The following ROBO1 variants were observed in gnomAD, a reference collection of about 807,000 sequenced individuals.
The protein encoded by ROBO1 is roundabout homolog 1.
ROBO1 carries 149 observed loss-of-function variants against 195.9 expected under a neutral mutation model. That is an observed-to-expected ratio of 0.76 (90% CI 0.67 to 0.87). The LOEUF (loss-of-function observed/expected upper bound fraction) is 0.87. Ranked by LOEUF, ROBO1 falls within the 40% of genes least tolerant of loss-of-function variation. ROBO1 has a pLI of 0.00. For missense variants in ROBO1, 1,933 were observed against 2,068.3 expected, an observed-to-expected ratio of 0.93 and a Z score of 1.27; for synonymous variants, 816 against 733.2, an observed-to-expected ratio of 1.11 and a Z score of -1.82.
At position 78,659,907 on chromosome 3, in the gene ROBO1, A is replaced by G. The variant is rs190731584; in HGVS notation, c.2321-100T>C. On this transcript the variant is annotated intron_variant, in intron 16 of 30. Coordinates refer to ENST00000464233, the MANE Select transcript of ROBO1 (RefSeq NM_002941.4). ...CCAATAATAGATGTATTAATACTAT[A>G]TCAATATATGCTTTTTTTTTTTTTT... 346 of 783,364 alleles carry G rather than the reference A, an allele frequency of 4.4e-4. 2 individuals are homozygous for G. The African/African-American group carries it at 6.2e-3, about 14-fold the overall frequency. The allele number at this position is 783,364 out of a possible 1,614,324, so 48.5% of individuals were successfully genotyped here. A position where few individuals can be genotyped will look rare whatever the true frequency, so the allele number is the denominator to read the frequency against.
At chr3:78,690,652 G>C (rs2081151825) in intron 8 of ROBO1, among the ~76,000 whole-genome samples, 1 of 151,990 alleles carries the variant, frequency 6.6e-6, no homozygotes, top group African/African-American at 2.4e-5. Flanking sequence ...GAAATTGAAA[G>C]AATTGACTGG....
chr3:79,237,723 T>C lies in ROBO1; in HGVS notation c.89-112184A>G, dbSNP rs115084650. 1.1e-3 allele frequency among the ~76,000 whole-genome samples: 161 copies of C among 152,196 alleles called. 1 individual carries two copies. Among genetic ancestry groups the C allele is most frequent in the Non-Finnish European group, 1.9e-3 (130 of 68,022 alleles). On this transcript the variant is annotated intron_variant, in intron 2 of 30. Coordinates refer to ENST00000464233, the MANE Select transcript of ROBO1 (RefSeq NM_002941.4). Reference sequence around the variant, plus strand: ...TGCCAAAAGATGTAGAAAAAGTCTATTGTTTTTGAGCAGTCTGTTGCTGCT... The same window carrying C: ...TGCCAAAAGATGTAGAAAAAGTCTACTGTTTTTGAGCAGTCTGTTGCTGCT...
intron 2 of ROBO1, among the ~76,000 whole-genome samples, chr3:79,484,755 C>CTTTTTTTTGTTTTTTTTTTTTTTT (rs1939063205): frequency 1.5e-5 from 1 of 66,884 alleles, no homozygotes; most frequent in Non-Finnish European, 2.7e-5. Flanking sequence ...ATTGCACTAT[C>CTTTTTTTTGTTTTTTTTTTTTTTT]TTTTTTTTTT....
chr3:79,363,986 C>T (rs2035867023), intron 2 of ROBO1, among the ~76,000 whole-genome samples: 1 of 152,000 alleles, frequency 6.6e-6, no homozygotes, highest in Non-Finnish European at 1.5e-5. Flanking sequence ...GGGTGGATCA[C>T]AAGGTCAGGA....
chr3:79,320,389 C>T (rs2109126729), intron 2 of ROBO1, among the ~76,000 whole-genome samples: 1 of 152,260 alleles, frequency 6.6e-6, no homozygotes, highest in South Asian at 2.1e-4. Context: ...AGTGCAGTGG[C>T]ACAATCACAG....
chr3:78,845,293 G>A (rs559324052), intron 4 of ROBO1, among the ~76,000 whole-genome samples: 2 of 151,550 alleles, frequency 1.3e-5, no homozygotes, highest in African/African-American at 4.9e-5. Flanking sequence ...TATGAAAAAA[G>A]TGTAGATCTC....
chr3:79,673,080 C>T (rs983386750), intron 1 of ROBO1, among the ~76,000 whole-genome samples: 14 of 151,902 alleles, frequency 9.2e-5, no homozygotes, highest in African/African-American at 2.4e-4. Context: ...CTTCTCTATT[C>T]CCTTTTCCAA....
intron 3 of ROBO1, among the ~76,000 whole-genome samples, chr3:78,950,304 G>A (rs146816782): frequency 0.017 from 2,636 of 151,894 alleles, 89 homozygotes; most frequent in African/African-American, 0.06. Flanking sequence ...AATGCGGCAC[G>A]TATACACCAT....
chr3:79,525,467 T>C (rs988633776), intron 2 of ROBO1, among the ~76,000 whole-genome samples: 5 of 148,982 alleles, frequency 3.4e-5, no homozygotes, highest in African/African-American at 1.2e-4. Context: ...ATTTTCTATG[T>C]GGATAATTTT....
chr3:78,983,745 T>C (rs1397326144), intron 3 of ROBO1, among the ~76,000 whole-genome samples: 2 of 152,180 alleles, frequency 1.3e-5, no homozygotes, highest in Admixed American at 6.6e-5. Flanking sequence ...ATGTGACCAC[T>C]GTCACCTATA....
chr3:79,543,832 C>A (rs9848085), intron 2 of ROBO1, among the ~76,000 whole-genome samples: 73,649 of 151,856 alleles, frequency 0.48, 17,927 homozygotes, highest in Non-Finnish European at 0.51. Context: ...AAATACTCTG[C>A]AATGCAAGGT....
At chr3:78,898,150 T>TAC (rs944372513) in intron 4 of ROBO1, among the ~76,000 whole-genome samples, 6 of 149,692 alleles carry the variant, frequency 4.0e-5, no homozygotes, top group African/African-American at 1.5e-4. Flanking sequence ...CATATATATA[T>TAC]ATATATGTTG....
chr3:79,029,833 T>A (rs766103675), intron 3 of ROBO1, among the ~76,000 whole-genome samples: 1 of 152,192 alleles, frequency 6.6e-6, no homozygotes, highest in Non-Finnish European at 1.5e-5. Context: ...TAGAACAACA[T>A]TGACTATTTC....
chr3:79,554,577 A>C (rs1942633601), intron 2 of ROBO1, among the ~76,000 whole-genome samples: 1 of 152,082 alleles, frequency 6.6e-6, no homozygotes, highest in Admixed American at 6.6e-5. Context: ...CTTGGCAATC[A>C]TATGTATCCA....
At chr3:79,228,816 C>G (rs940790976) in intron 2 of ROBO1, among the ~76,000 whole-genome samples, 1 of 152,020 alleles carries the variant, frequency 6.6e-6, no homozygotes, top group Admixed American at 6.6e-5. Flanking sequence ...AATTTGCAAT[C>G]AACTGATCAT....
rs73848891 is a variant in ROBO1, at chr3:79,488,311, A to G, written c.88+101513T>C. On this transcript the variant is annotated intron_variant, in intron 2 of 30. Coordinates refer to ENST00000464233, the MANE Select transcript of ROBO1 (RefSeq NM_002941.4). Reference sequence around the variant, plus strand: ...CGTTTGCCCAACAAATGGAGGGGGAATTTTTTTTCTTCAAAATATCATCAG... The same window carrying G: ...CGTTTGCCCAACAAATGGAGGGGGAGTTTTTTTTCTTCAAAATATCATCAG... 5.5e-3 allele frequency among the ~76,000 whole-genome samples: 835 copies of G among 152,050 alleles called. 8 individuals are homozygous for G. Among genetic ancestry groups the G allele is most frequent in the African/African-American group, 0.019 (798 of 41,468 alleles).
intron 4 of ROBO1, among the ~76,000 whole-genome samples, chr3:78,829,878 T>C (rs561498865): frequency 1.5e-4 from 23 of 152,318 alleles, no homozygotes; most frequent in African/African-American, 4.8e-4. Context: ...GTTATCATTA[T>C]TGGCATGTTT....
chr3:79,166,804 T>C (rs2108681408), intron 2 of ROBO1, among the ~76,000 whole-genome samples: 1 of 152,166 alleles, frequency 6.6e-6, no homozygotes, highest in East Asian at 1.9e-4. Flanking sequence ...CCTGACCTCG[T>C]TGATCCGCTA....
At chr3:78,676,947 G>A (rs1708472402) in intron 10 of ROBO1, among the ~76,000 whole-genome samples, 2 of 152,184 alleles carry the variant, frequency 1.3e-5, no homozygotes, top group Admixed American at 1.3e-4. Flanking sequence ...TACCCACAAA[G>A]GGAAGACCAT....
Sources: gnomAD v4.1 joint callset for allele counts (sites outside exome capture counted in the v4.1 genomes callset) on GRCh38, gnomAD v4.1.1 for gene constraint, MANE v1.5 for transcripts, NCBI Gene and HGNC (gene_info 2026-07-23, HGNC 2026-07-21) for gene names.